Variants in CAPN8 observed in about 807,000 individuals in gnomAD.
CAPN8 encodes the protein calpain-8.
In CAPN8, 87 loss-of-function variants were observed where a neutral mutation model predicts 80.9. The ratio of observed to expected loss-of-function variants is 1.07; its 90% CI spans 0.90 to 1.28. CAPN8 has a LOEUF of 1.28. CAPN8 is among the 50% of genes most tolerant of loss of function. The pLI, the probability that CAPN8 is intolerant of heterozygous loss-of-function variation, is 0.00. For synonymous variants in CAPN8, 299 were observed against 273.8 expected (o/e 1.09, Z -0.91); for missense variants, 757 against 702.0 (o/e 1.08, Z -0.89).
chr1:223,627,281 T>G (rs1657617114), intron 4 of CAPN8, 124 bp from the exon 5 acceptor site: 1 of 1,128,406 alleles, frequency 8.9e-7, no homozygotes, highest in Non-Finnish European at 1.2e-6. Context: ...CTTTGCCTAT[T>G]TTGCCTATGG....
chr1:223,609,174 G>A lies in CAPN8; in HGVS notation c.1514C>T (p.Ser505Leu). ...GCACAGGGCCTGGGCCTTCTTCTCT[G>A]AGAACACTCTCAAGCAGAACTCGCC... ...KDGEFCLRVFSEKKAQALEIG... is the reference protein window; with the variant it reads ...KDGEFCLRVFLEKKAQALEIG... Residue 505 changes from serine (S) to leucine (L), a missense_variant, in exon 12 of 21, where the codon TCA (serine) becomes TTA (leucine). Transcript: ENST00000366872. The A allele has an allele frequency of 2.5e-6, 1 of 398,350 alleles. No homozygotes were observed. Among genetic ancestry groups the A allele is most frequent in the Non-Finnish European group, 4.4e-6 (1 of 226,046 alleles). The allele number at this position is 398,350 out of a possible 1,614,324, so 24.7% of individuals were successfully genotyped here. A position where few individuals can be genotyped will look rare whatever the true frequency, so the allele number is the denominator to read the frequency against.
At position 223,541,848 on chromosome 1, in the gene CAPN8, G is replaced by T; in HGVS notation, c.2100C>A (p.Cys700Ter). The T allele has an allele frequency of 1.3e-6, 2 of 1,550,362 alleles. No individual in the cohort carries two copies. The highest frequency in any genetic ancestry group is 1.7e-6 in the Non-Finnish European group (2 of 1,146,744). Reference sequence around the variant, plus strand: ...CCGAAACCCCGGGTCAGACCAACACGCAGCACAGCCACTGCAAAGGAAAGG... The same window carrying T: ...CCGAAACCCCGGGTCAGACCAACACTCAGCACAGCCACTGCAAAGGAAAGG... ...VQLSLAEWLC[C>*]VLV is the part of the protein sequence containing the mutation. Residue 700 changes from cysteine to a stop codon, truncating the protein, a stop_gained, in exon 21 of 21, where the codon TGC becomes TGA. Coordinates refer to ENST00000366872, the MANE Select transcript of CAPN8 (RefSeq NM_001143962.2). LOFTEE classifies it high-confidence loss of function.
rs903967625 is a variant in CAPN8, at chr1:223,629,449, G to A, written c.308-669C>T. Among the ~76,000 whole-genome samples the A allele has an allele frequency of 2.6e-5, 4 of 152,134 alleles. No homozygotes were observed. The East Asian group carries it at 5.8e-4, about 22-fold the overall frequency. On this transcript the variant is annotated intron_variant, in intron 2 of 20. Coordinates refer to ENST00000366872, the MANE Select transcript of CAPN8 (RefSeq NM_001143962.2). ...TTACAAATCCTGGGTTTTGGTGTTCGTCACATTGGAGATTCAAGGAAATGC... is the reference window on the plus strand; with the variant it reads ...TTACAAATCCTGGGTTTTGGTGTTCATCACATTGGAGATTCAAGGAAATGC...
At chr1:223,550,469 TC>T (rs1440944607) in intron 15 of CAPN8, among the ~76,000 whole-genome samples, 1 of 152,154 alleles carries the variant, frequency 6.6e-6, no homozygotes. Context: ...AAATCTTTCC[TC>T]CTGACAGCTC....
At chr1:223,648,695 G>T (rs1215461203) in intron 2 of CAPN8, among the ~76,000 whole-genome samples, 1 of 152,244 alleles carries the variant, frequency 6.6e-6, no homozygotes, top group Non-Finnish European at 1.5e-5. Flanking sequence ...CATATGAAAA[G>T]GTCCAGTCAT....
rs534996030 is a variant in CAPN8 at position 223,620,201 on chromosome 1, C to T, written c.965G>A (p.Gly322Glu). 1 of 1,551,640 alleles carries T rather than the reference C, an allele frequency of 6.4e-7. No homozygotes were observed. The highest frequency in any genetic ancestry group is 2.4e-5 in the East Asian group (1 of 40,902). The change falls in exon 8 of 21, where the codon GGA (glycine) becomes GAA (glutamate). Residue 322 changes from glycine (G) to glutamate (E), a missense_variant. Coordinates refer to ENST00000366872, the MANE Select transcript of CAPN8 (RefSeq NM_001143962.2). Reference sequence around the variant, plus strand: ...CAGAAAACTCTCTCACCAGAATTCTCCATCCTCAACTTTCTTGTCCAGTTC... The same window carrying T: ...CAGAAAACTCTCTCACCAGAATTCTTCATCCTCAACTTTCTTGTCCAGTTC... ...KEELDKKVED[G>E]EFWMSLSDFV...
At chr1:223,612,411 T>C (rs1657052408) in intron 10 of CAPN8, among the ~76,000 whole-genome samples, 154 bp from the exon 11 acceptor site, 1 of 152,190 alleles carries the variant, frequency 6.6e-6, no homozygotes, top group Admixed American at 6.5e-5. Context: ...TCAGCATTTC[T>C]GAAACTGGAA....
chr1:223,548,933 C>A (rs536773920), intron 16 of CAPN8, among the ~76,000 whole-genome samples: 1 of 46,380 alleles, frequency 2.2e-5, no homozygotes, highest in Non-Finnish European at 4.0e-5. Context: ...AAGCAGGGAA[C>A]GGTAGAGGGT....
chr1:223,640,694 G>A (rs549684371), intron 2 of CAPN8, among the ~76,000 whole-genome samples: 1 of 152,210 alleles, frequency 6.6e-6, no homozygotes, highest in South Asian at 2.1e-4. Flanking sequence ...CTCCCAGTAA[G>A]ACTATAAAGG....
chr1:223,618,226 G>A, intron 9 of CAPN8: 1 of 1,550,524 alleles, frequency 6.4e-7, no homozygotes, highest in African/African-American at 1.4e-5. Flanking sequence ...ATGTGGGGCT[G>A]TCTTCCTGAG....
chr1:223,626,863 T>C, intron 5 of CAPN8, 126 bp downstream of exon 5: 1 of 967,442 alleles, frequency 1.0e-6, no homozygotes, highest in East Asian at 2.6e-5. Flanking sequence ...ACTTGCCCAC[T>C]AAGCTCCAGA....
intron 2 of CAPN8, among the ~76,000 whole-genome samples, chr1:223,644,753 G>T (rs1287450609): frequency 1.3e-5 from 2 of 152,014 alleles, no homozygotes; most frequent in African/African-American, 4.8e-5. Flanking sequence ...CCTCACACAG[G>T]GCAGGTTCTC....
At chr1:223,610,405 C>T (rs1425425375) in intron 11 of CAPN8, among the ~76,000 whole-genome samples, 1 of 152,154 alleles carries the variant, frequency 6.6e-6, no homozygotes, top group African/African-American at 2.4e-5. Context: ...TGAGATTCTC[C>T]CTAAAAATGC....
rs573279249 is a variant in CAPN8, at chr1:223,656,812, T to C, written c.238-2413A>G. 1.3e-3 allele frequency among the ~76,000 whole-genome samples: 192 copies of C among 151,670 alleles called. 1 individual carries two copies. The highest frequency in any genetic ancestry group is 2.3e-3 in the Non-Finnish European group (157 of 67,924). On this transcript the variant is annotated intron_variant, in intron 1 of 20. Coordinates refer to ENST00000366872, the MANE Select transcript of CAPN8 (RefSeq NM_001143962.2). ...CCTTCTCCTGCCTCAGCCTCCTGAG[T>C]AGCTGGGACTACAGGCGCCCACCAC...
At chr1:223,629,710 C>G (rs1250375466) in intron 2 of CAPN8, among the ~76,000 whole-genome samples, 1 of 152,214 alleles carries the variant, frequency 6.6e-6, no homozygotes, top group Non-Finnish European at 1.5e-5. Context: ...CTGCTGAGGT[C>G]TCAGTGTCCT....
chr1:223,616,199 G>A, intron 9 of CAPN8, 54 bp from the exon 10 acceptor site: 29 of 1,497,680 alleles, frequency 1.9e-5, no homozygotes, highest in Non-Finnish European at 2.6e-5. Context: ...AGGAGATGAA[G>A]AAGAATAAAG....
At chr1:223,626,480 C>A (rs2102712430) in intron 5 of CAPN8, among the ~76,000 whole-genome samples, 1 of 152,290 alleles carries the variant, frequency 6.6e-6, no homozygotes, top group South Asian at 2.1e-4. Context: ...GGTGACAGGA[C>A]CTCAGGGCTG....
At chr1:223,651,237 G>A (rs904441329) in intron 2 of CAPN8, among the ~76,000 whole-genome samples, 8 of 152,144 alleles carry the variant, frequency 5.3e-5, no homozygotes, top group Admixed American at 2.6e-4. Flanking sequence ...AGTGTGCCAG[G>A]AGGCCTGAGC....
intron 16 of CAPN8, among the ~76,000 whole-genome samples, chr1:223,548,391 C>T (rs911753035): frequency 6.6e-6 from 1 of 152,162 alleles, no homozygotes; most frequent in Non-Finnish European, 1.5e-5. Context: ...CCATTCCTCC[C>T]AAAAACTACT....
Sources: gnomAD v4.1 joint callset for allele counts (sites outside exome capture counted in the v4.1 genomes callset) on GRCh38, gnomAD v4.1.1 for gene constraint, MANE v1.5 for transcripts, NCBI Gene and HGNC (gene_info 2026-07-23, HGNC 2026-07-21) for gene names.